WT1: variants seen among roughly 807,000 people sequenced by gnomAD.
The protein encoded by WT1 is Wilms tumor protein.
WT1 carries 8 observed loss-of-function variants against 60.8 expected under a neutral mutation model. The observed-to-expected ratio is 0.13, with a 90% CI of 0.08 to 0.24. The LOEUF (loss-of-function observed/expected upper bound fraction) is 0.24, where lower values mean the gene tolerates loss of function less well. WT1 is among the 10% of genes least tolerant of loss of function. The pLI is 1.00. For missense variants in WT1, 568 were observed against 711.8 expected (o/e 0.80, Z 2.30); for synonymous variants, 312 against 297.1 (o/e 1.05, Z -0.52).
intron 3 of WT1, among the ~76,000 whole-genome samples, chr11:32,419,790 C>A (rs1470488068): frequency 6.6e-6 from 1 of 152,204 alleles, no homozygotes; most frequent in African/African-American, 2.4e-5. Context: ...GTCTCCCATG[C>A]GCAAGCAATT....
At chr11:32,397,997 A>G (rs943675518) in intron 6 of WT1, among the ~76,000 whole-genome samples, 1 of 152,212 alleles carries the variant, frequency 6.6e-6, no homozygotes, top group Non-Finnish European at 1.5e-5. Context: ...AATTCATCCT[A>G]GAAGCAGTGC....
intron 9 of WT1, among the ~76,000 whole-genome samples, chr11:32,391,745 C>T (rs1417372850): frequency 6.6e-6 from 1 of 152,150 alleles, no homozygotes; most frequent in Non-Finnish European, 1.5e-5. Context: ...CTGCACACTC[C>T]AGCCATTCTT....
chr11:32,408,455 C>T (rs1219365729), intron 5 of WT1, among the ~76,000 whole-genome samples: 1 of 128,128 alleles, frequency 7.8e-6, no homozygotes. Context: ...GTGGAGGTTG[C>T]GGTGAGCCAA....
intron 2 of WT1, among the ~76,000 whole-genome samples, 183 bp downstream of exon 2, chr11:32,428,314 C>G (rs557143525): frequency 6.6e-6 from 1 of 152,248 alleles, no homozygotes; most frequent in Non-Finnish European, 1.5e-5. Flanking sequence ...ATGTCCCTAA[C>G]GTACTTGGGA....
chr11:32,393,676 C>T (rs566755515), intron 7 of WT1, among the ~76,000 whole-genome samples: 7 of 152,232 alleles, frequency 4.6e-5, no homozygotes, highest in Non-Finnish European at 1.0e-4. Flanking sequence ...TTGCACTCTG[C>T]TCACACTAAA....
At chr11:32,434,591 A>G in intron 1 of WT1, 109 bp downstream of exon 1, 2 of 1,566,956 alleles carry the variant, frequency 1.3e-6, no homozygotes, top group South Asian at 1.2e-5. Flanking sequence ...CTTGGGAAGC[A>G]GCTGGGTAAG....
intron 3 of WT1, among the ~76,000 whole-genome samples, chr11:32,424,092 G>A (rs552109613): frequency 2.3e-4 from 34 of 149,582 alleles, no homozygotes; most frequent in African/African-American, 7.7e-4. Flanking sequence ...AACCCGGCAG[G>A]CAGAGGTTGC....
chr11:32,430,804 T>C, intron 1 of WT1: 1 of 1,306,524 alleles, frequency 7.7e-7, no homozygotes, highest in Non-Finnish European at 9.7e-7. Flanking sequence ...GGAGGGGCAG[T>C]GGTGAAAGCG....
At position 32,435,171 on chromosome 11, in the gene WT1, G is replaced by C. The variant is rs1367063787; in HGVS notation, c.190C>G (p.Arg64Gly). 3 of 1,521,228 alleles carry C rather than the reference G, an allele frequency of 2.0e-6. No individual in the cohort carries two copies. 94.2% of individuals were successfully genotyped at this position (1,521,228 alleles called of 1,614,324 possible). A position where few individuals can be genotyped will look rare whatever the true frequency, so the allele number is the denominator to read the frequency against. The change falls in exon 1 of 10, where the codon CGC becomes GGC. Residue 64 changes from arginine to glycine, a missense_variant. This residue lies in a region of WT1 where 523 missense variants were observed against 565.1 expected (regional missense o/e 0.93). Transcript: ENST00000452863. Reference sequence around the variant, plus strand: ...TGCGGCTCAGACCCGGACGCCCCGCGGCTCCTCCGGCCCTGGAGACGTTCA... The same window carrying C: ...TGCGGCTCAGACCCGGACGCCCCGCCGCTCCTCCGGCCCTGGAGACGTTCA...
In WT1 at chr11:32,428,528, A is replaced by C. The variant is rs1853143172; in HGVS notation, c.753T>G (p.His251Gln). The C allele has an allele frequency of 6.2e-7, 1 of 1,614,094 alleles. No individual in the cohort carries two copies. Among genetic ancestry groups the C allele is most frequent in the South Asian group, 1.1e-5 (1 of 91,082 alleles). ...AGCCCTGCTGGCCCATGGGATCCTC[A>C]TGCTTGAATGAGTGGTTGGGGAACT... The change falls in exon 2 of 10, where the codon CAT (histidine) becomes CAG (glutamine). Residue 251 changes from histidine (H) to glutamine (Q), a missense_variant. Around this residue, in one of 3 missense-constraint regions of WT1, gnomAD observed 523 missense variants for 565.1 expected, o/e 0.93. Coordinates refer to ENST00000452863, the MANE Select transcript of WT1 (RefSeq NM_024426.6).
At chr11:32,406,323 C>T (rs1243217493) in intron 5 of WT1, among the ~76,000 whole-genome samples, 1 of 152,120 alleles carries the variant, frequency 6.6e-6, no homozygotes, top group Non-Finnish European at 1.5e-5. Flanking sequence ...ACCTAGATCC[C>T]TCACATGTGT....
intron 5 of WT1, among the ~76,000 whole-genome samples, chr11:32,413,322 C>T (rs1852560925): frequency 6.6e-6 from 1 of 152,144 alleles, no homozygotes; most frequent in African/African-American, 2.4e-5. Flanking sequence ...TATGAATGAA[C>T]ACAAAAAGTT....
In WT1 at chr11:32,406,626, A is replaced by AT. The variant is rs1178265252; in HGVS notation, c.1017-6583_1017-6582insA. On this transcript the variant is annotated intron_variant, in intron 5 of 9. Coordinates refer to ENST00000452863, the MANE Select transcript of WT1 (RefSeq NM_024426.6). ...GCATGAAGTTTACCCTCCACCAAAA[A>AT]AAAAATATATATATTTATTTCTATT... Among the ~76,000 whole-genome samples the AT allele has an allele frequency of 1.5e-4, 21 of 136,816 alleles. No homozygotes were observed. The East Asian group carries it at 4.5e-3, about 29-fold the overall frequency. The allele number at this position is 136,816 out of a possible 152,430, so 89.8% of individuals were successfully genotyped here. A position where few individuals can be genotyped will look rare whatever the true frequency, so the allele number is the denominator to read the frequency against.
In WT1 at chr11:32,411,983, T is replaced by C. The variant is rs75709553; in HGVS notation, c.1016+4507A>G. Among the ~76,000 whole-genome samples the C allele has an allele frequency of 4.6e-5, 7 of 152,320 alleles. No homozygotes were observed. In the East Asian group the frequency reaches 1.3e-3, roughly 29 times the overall value. ...GATGGAGTAGGCTCGGCAATGCTGA[T>C]ATTCACAGAACTGAGGCTCCCCACC... is the stretch of plus-strand genomic sequence containing the variant. On this transcript the variant is annotated intron_variant, in intron 5 of 9. Coordinates refer to ENST00000452863, the MANE Select transcript of WT1 (RefSeq NM_024426.6).
intron 7 of WT1, among the ~76,000 whole-genome samples, chr11:32,395,623 G>A (rs1335274459): frequency 3.3e-5 from 5 of 151,738 alleles, no homozygotes; most frequent in African/African-American, 9.7e-5. Flanking sequence ...CACCACACCC[G>A]GCTCATTTTT....
intron 3 of WT1, among the ~76,000 whole-genome samples, chr11:32,427,552 G>A (rs5030174): frequency 0.045 from 6,918 of 152,334 alleles, 213 homozygotes; most frequent in Non-Finnish European, 0.074. Context: ...GGCTGTGGCC[G>A]AAGGTACGCG....
chr11:32,398,845 C>T (rs568815145), intron 6 of WT1, among the ~76,000 whole-genome samples: 1 of 150,476 alleles, frequency 6.6e-6, no homozygotes, highest in South Asian at 2.1e-4. Context: ...TAGTATGATT[C>T]CAACTATATG....
intron 5 of WT1, 133 bp downstream of exon 5, chr11:32,416,357 G>A: frequency 1.8e-6 from 2 of 1,104,058 alleles, no homozygotes; most frequent in South Asian, 1.2e-5. Flanking sequence ...GGTGGGGGCG[G>A]GGGAGAGAGA....
intron 3 of WT1, among the ~76,000 whole-genome samples, chr11:32,426,922 C>G (rs1853064263): frequency 6.6e-6 from 1 of 152,106 alleles, no homozygotes; most frequent in Non-Finnish European, 1.5e-5. Context: ...CCAGGCGCGG[C>G]CACTCCCCCA....
Sources: allele counts gnomAD v4.1 joint callset (sites outside exome capture counted in the v4.1 genomes callset), GRCh38; gene constraint gnomAD v4.1.1; regional missense constraint gnomAD v4.1.1; transcripts MANE v1.5; gene names NCBI Gene and HGNC (gene_info 2026-07-23, HGNC 2026-07-21).